The following SYNPO2 variants were observed in gnomAD, a reference collection of about 807,000 sequenced individuals.
The protein encoded by SYNPO2 is synaptopodin 2.
Under a neutral mutation model 85.0 loss-of-function variants are expected in SYNPO2, and 56 were observed. The observed-to-expected ratio is 0.66, with a 90% CI of 0.53 to 0.82. The LOEUF is 0.82. Among genes scored for constraint, SYNPO2 ranks in the 40% least tolerant of loss-of-function variants. The pLI is 0.00. For missense variants in SYNPO2, 1,575 were observed against 1,534.2 expected (o/e 1.03, Z -0.44); for synonymous variants, 602 against 591.1 (o/e 1.02, Z -0.27).
At chr4:118,963,720 GT>G (rs1735193037) in intron 1 of SYNPO2, among the ~76,000 whole-genome samples, 2 of 152,278 alleles carry the variant, frequency 1.3e-5, no homozygotes, top group South Asian at 4.1e-4. Context: ...TTAAAAATTA[GT>G]TTTAGTACAT....
At chr4:118,939,162 G>C (rs1013156274) in intron 1 of SYNPO2, among the ~76,000 whole-genome samples, 1 of 152,218 alleles carries the variant, frequency 6.6e-6, no homozygotes, top group Non-Finnish European at 1.5e-5. Flanking sequence ...AGAAGTTTGT[G>C]TGTGCACAGT....
At chr4:118,853,280 G>T (rs1030146756) in intron 1 of SYNPO2, among the ~76,000 whole-genome samples, 1 of 152,116 alleles carries the variant, frequency 6.6e-6, no homozygotes, top group Non-Finnish European at 1.5e-5. Flanking sequence ...TATTTCCATT[G>T]TGAATTTAAA....
chr4:118,875,776 G>T (rs1731894288), intron 1 of SYNPO2, among the ~76,000 whole-genome samples: 1 of 152,206 alleles, frequency 6.6e-6, no homozygotes, highest in East Asian at 1.9e-4. Flanking sequence ...ATCTTACAAT[G>T]TGTTGGTGTT....
At chr4:118,980,926 G>A (rs1177635583) in intron 1 of SYNPO2, among the ~76,000 whole-genome samples, 5 of 152,178 alleles carry the variant, frequency 3.3e-5, no homozygotes, top group African/African-American at 9.7e-5. Context: ...ATGGTTAAGC[G>A]ACTTGCTCAC....
intron 1 of SYNPO2, among the ~76,000 whole-genome samples, chr4:118,923,618 A>G (rs1418353830): frequency 2.0e-5 from 3 of 152,224 alleles, no homozygotes; most frequent in African/African-American, 7.2e-5. Context: ...TAAGAACCCA[A>G]ATATTGAACT....
chr4:119,034,484 T>A, intron 4 of SYNPO2: 1 of 985,464 alleles, frequency 1.0e-6, no homozygotes. Flanking sequence ...AACATGACTA[T>A]GCCTTCTGGT....
chr4:119,040,140 A>T (rs1327311391), intron 4 of SYNPO2, among the ~76,000 whole-genome samples: 2 of 152,248 alleles, frequency 1.3e-5, no homozygotes, highest in Non-Finnish European at 2.9e-5. Context: ...GGCACAGAGA[A>T]AGTATTCAAC....
chr4:118,995,449 C>T (rs1033616577), intron 1 of SYNPO2, among the ~76,000 whole-genome samples: 1 of 151,964 alleles, frequency 6.6e-6, no homozygotes, highest in Non-Finnish European at 1.5e-5. Flanking sequence ...TCTCAAAAAC[C>T]CCATAAGATA....
rs1307146500 is a variant in SYNPO2 at position 119,026,937 on chromosome 4, G to A, written c.568G>A (p.Ala190Thr). Reference sequence around the variant, plus strand: ...GCTGATCTTAAGGGAGAAGGTAGAAGCGGTACAGCCTGGGCCTGTGGTTGA... The same window carrying A: ...GCTGATCTTAAGGGAGAAGGTAGAAACGGTACAGCCTGGGCCTGTGGTTGA... ...EELILREKVE[A>T]VQPGPVVELQ... Residue 190 changes from alanine (A) to threonine (T), a missense_variant, in exon 3 of 5, where the codon GCG becomes ACG. By Grantham distance (58) the Ala-to-Thr change is moderately conservative. Coordinates refer to ENST00000307142, the MANE Select transcript of SYNPO2 (RefSeq NM_133477.3). The A allele has an allele frequency of 3.7e-6, 6 of 1,614,070 alleles. No homozygotes were observed. The highest frequency in any genetic ancestry group is 5.1e-6 in the Non-Finnish European group (6 of 1,180,052).
chr4:118,941,605 A>C (rs1734314388), intron 1 of SYNPO2, among the ~76,000 whole-genome samples: 1 of 152,162 alleles, frequency 6.6e-6, no homozygotes, highest in Non-Finnish European at 1.5e-5. Context: ...TACTGACTCT[A>C]ATCCTTCCTC....
intron 1 of SYNPO2, among the ~76,000 whole-genome samples, chr4:118,863,079 G>A (rs758286141): frequency 6.6e-6 from 1 of 152,154 alleles, no homozygotes; most frequent in Non-Finnish European, 1.5e-5. Context: ...AAAGTGCTGG[G>A]ATTATAGGCG....
chr4:118,975,585 G>A (rs1467842777), intron 1 of SYNPO2, among the ~76,000 whole-genome samples: 1 of 152,162 alleles, frequency 6.6e-6, no homozygotes, highest in East Asian at 1.9e-4. Flanking sequence ...GGAGGTGCAA[G>A]GGGAAATTCC....
chr4:118,984,132 T>C (rs911413929), intron 1 of SYNPO2, among the ~76,000 whole-genome samples: 1 of 152,184 alleles, frequency 6.6e-6, no homozygotes, highest in Non-Finnish European at 1.5e-5. Context: ...GAATCCCCTC[T>C]TCCTCATTCC....
chr4:119,045,849 T>C (rs1439267728), intron 4 of SYNPO2, among the ~76,000 whole-genome samples: 4 of 152,218 alleles, frequency 2.6e-5, no homozygotes, highest in Non-Finnish European at 4.4e-5. Context: ...CTCTAACTTG[T>C]AGAGTGACAT....
chr4:118,929,253 G>A (rs981450153), intron 1 of SYNPO2, among the ~76,000 whole-genome samples: 4 of 152,048 alleles, frequency 2.6e-5, no homozygotes, highest in African/African-American at 9.7e-5. Flanking sequence ...TAGTAATAAA[G>A]CCAGTTTAGT....
chr4:118,927,750 G>A (rs75485026), intron 1 of SYNPO2, among the ~76,000 whole-genome samples: 34 of 115,392 alleles, frequency 2.9e-4, no homozygotes, highest in Non-Finnish European at 4.8e-4. Context: ...ATAGATAGAT[G>A]ATAGATAGAT....
intron 4 of SYNPO2, chr4:119,043,226 A>ATAC (rs1738770954): frequency 6.6e-6 from 1 of 152,152 alleles, no homozygotes; most frequent in Non-Finnish European, 1.5e-5. Flanking sequence ...TTAGACACAC[A>ATAC]TACTACTAAA....
chr4:118,962,287 G>C (rs1222893544), intron 1 of SYNPO2, among the ~76,000 whole-genome samples: 1 of 152,140 alleles, frequency 6.6e-6, no homozygotes, highest in Non-Finnish European at 1.5e-5. Flanking sequence ...ATAGAAAATA[G>C]CCAATTTATA....
At chr4:118,879,142 C>T (rs1000619495) in intron 1 of SYNPO2, among the ~76,000 whole-genome samples, 2 of 152,152 alleles carry the variant, frequency 1.3e-5, no homozygotes, top group Admixed American at 6.5e-5. Flanking sequence ...AAGAAACTCC[C>T]GACACATCTG....
Sources: gnomAD v4.1 joint callset for allele counts (sites outside exome capture counted in the v4.1 genomes callset) on GRCh38, gnomAD v4.1.1 for gene constraint, MANE v1.5 for transcripts, NCBI Gene and HGNC (gene_info 2026-07-23, HGNC 2026-07-21) for gene names.